Variants in ZFHX2 observed in about 807,000 individuals in gnomAD.
ZFHX2 encodes zinc finger homeobox 2.
In ZFHX2, 75 loss-of-function variants were observed where a neutral mutation model predicts 164.8. The observed-to-expected ratio is 0.46, with a 90% CI of 0.38 to 0.55. The LOEUF is 0.55. ZFHX2 is among the 20% of genes least tolerant of loss of function. The pLI, the probability that ZFHX2 is intolerant of heterozygous loss-of-function variation, is 0.00. For synonymous variants in ZFHX2, 1,217 were observed against 1,351.4 expected (o/e 0.90, Z 2.18); for missense variants, 2,933 against 3,308.0 (o/e 0.89, Z 2.78).
Position 23,532,857 on chromosome 14 carries a change from T to C in ZFHX2, c.2269A>G (p.Thr757Ala). ...TAGCAGCAAAGCTTGCAGCGGTGGGTGTCACCAGCCACCTCCTTCCATTCA... is the reference window on the plus strand; with the variant it reads ...TAGCAGCAAAGCTTGCAGCGGTGGGCGTCACCAGCCACCTCCTTCCATTCA... Reference protein sequence around the residue: ...EAEWKEVAGDTHRCKLCCYGT... With the variant: ...EAEWKEVAGDAHRCKLCCYGT... Residue 757 changes from threonine (T) to alanine (A), a missense_variant, in exon 3 of 10, where the codon ACC becomes GCC. Transcript: ENST00000419474. 2 of 1,536,198 alleles carry C rather than the reference T, an allele frequency of 1.3e-6. No individual in the cohort carries two copies. Among genetic ancestry groups the C allele is most frequent in the Non-Finnish European group, 1.7e-6 (2 of 1,146,924 alleles).
intron 1 of ZFHX2, chr14:23,543,088 C>T (rs1043276005): frequency 1.3e-5 from 2 of 152,200 alleles, no homozygotes. Flanking sequence ...ATTCTGTGAA[C>T]CTGTGTGATG....
chr14:23,535,130 C>T lies in ZFHX2; in HGVS notation c.196G>A (p.Gly66Ser). 1 of 1,536,132 alleles carries T rather than the reference C, an allele frequency of 6.5e-7. No homozygotes were observed. The highest frequency in any genetic ancestry group is 8.7e-7 in the Non-Finnish European group (1 of 1,146,862). The change falls in exon 2 of 10, where the codon GGC becomes AGC. Residue 66 changes from glycine to serine, a missense_variant. Coordinates refer to ENST00000419474, the MANE Select transcript of ZFHX2 (RefSeq NM_033400.3). This position sits in a 1 kb window ranked among gnomAD's most constrained non-coding sequence, Gnocchi z 4.5. ...PGGQLLESGC[G>S]LVPPKEIGEP... Reference sequence around the variant, plus strand: ...CCAATCTCCTTTGGTGGGACGAGGCCACAGCCCGACTCCAGGAGCTGTCCC... The same window carrying T: ...CCAATCTCCTTTGGTGGGACGAGGCTACAGCCCGACTCCAGGAGCTGTCCC...
At position 23,523,989 on chromosome 14, in the gene ZFHX2, T is replaced by C; in HGVS notation, c.5953A>G (p.Lys1985Glu). 6.6e-7 allele frequency: 1 copy of C among 1,524,928 alleles called. No individual in the cohort carries two copies. 94.5% of individuals were successfully genotyped at this position (1,524,928 alleles called of 1,614,324 possible). The change falls in exon 9 of 10, where the codon AAA (lysine) becomes GAA (glutamate). Residue 1985 changes from lysine to glutamate, a missense_variant. Lys to Glu is a moderately conservative substitution (Grantham distance 56). Coordinates refer to ENST00000419474, the MANE Select transcript of ZFHX2 (RefSeq NM_033400.3). The surrounding 1 kb of genome is among the most constrained non-coding windows in gnomAD (Gnocchi z 4.1). ...TCTGGTGTTGGGGTGGTGGCCTCTT[T>C]CCCAGGTGGTAGGAAAGGCTGGGGC... Reference protein sequence around the residue: ...SGPQPFLPPGKEATTPTPEPP... With the variant: ...SGPQPFLPPGEEATTPTPEPP...
At position 23,523,990 on chromosome 14, in the gene ZFHX2, C is replaced by T; in HGVS notation, c.5952G>A (p.Gly1984=). ...ASGPQPFLPP[G]KEATTPTPEP... ...CTGGTGTTGGGGTGGTGGCCTCTTT[C>T]CCAGGTGGTAGGAAAGGCTGGGGCC... Residue 1984 remains glycine, a synonymous_variant, in exon 9 of 10, where the codon GGG becomes GGA. Transcript: ENST00000419474. The surrounding 1 kb of genome is among the most constrained non-coding windows in gnomAD (Gnocchi z 4.1). 2.6e-6 allele frequency: 4 copies of T among 1,524,590 alleles called. No individual in the cohort carries two copies. The highest frequency in any genetic ancestry group is 2.6e-6 in the Non-Finnish European group (3 of 1,139,998). 94.4% of individuals were successfully genotyped at this position (1,524,590 alleles called of 1,614,324 possible).
chr14:23,554,227 G>C (rs1274716563), upstream of ZFHX2, among the ~76,000 whole-genome samples: 1 of 152,158 alleles, frequency 6.6e-6, no homozygotes, highest in East Asian at 1.9e-4. Context: ...GGAAAAATTA[G>C]GTCTTCATCC....
chr14:23,532,703 CCCA>C lies in ZFHX2; in HGVS notation c.2420_2422del (p.Leu807_Gly808delinsArg), dbSNP rs1566583784. 6.5e-7 allele frequency: 1 copy of C among 1,533,182 alleles called. No individual in the cohort carries two copies. Among genetic ancestry groups the C allele is most frequent in the Non-Finnish European group, 8.7e-7 (1 of 1,145,156 alleles). 95.0% of individuals were successfully genotyped at this position (1,533,182 alleles called of 1,614,324 possible). A position where few individuals can be genotyped will look rare whatever the true frequency, so the allele number is the denominator to read the frequency against. ...GACAGACCCATAAGGAGCCCCATCTCCCAGGGATGCTGGGGAAGGGGTGCCCAT... is the reference window on the plus strand; with the variant it reads ...GACAGACCCATAAGGAGCCCCATCTCGGGATGCTGGGGAAGGGGTGCCCAT... On this transcript the variant is annotated inframe_deletion, in exon 3 of 10. Transcript: ENST00000419474.
At chr14:23,555,480 C>T (rs1450535531), upstream of ZFHX2, among the ~76,000 whole-genome samples, 5 of 152,308 alleles carry the variant, frequency 3.3e-5, no homozygotes, top group South Asian at 1.0e-3. Context: ...TTTGCTTAGG[C>T]TATTCCTGTC....
In ZFHX2 at chr14:23,525,994, G is replaced by T; in HGVS notation, c.3948C>A (p.Phe1316Leu). ...GGGACAGGAAAGGCAATCCAGATAT[G>T]AAGCCACTGGTGTCAGGGCCCTTCT... is the stretch of plus-strand genomic sequence containing the variant. Reference protein sequence around the residue: ...TEKKGPDTSGFISGLPFLSPP... With the variant: ...TEKKGPDTSGLISGLPFLSPP... Residue 1316 changes from phenylalanine to leucine, a missense_variant, in exon 9 of 10, where the codon TTC becomes TTA. Physicochemically the swap from Phe to Leu is conservative, Grantham distance 22 (BLOSUM62 0). Coordinates refer to ENST00000419474, the MANE Select transcript of ZFHX2 (RefSeq NM_033400.3). This position sits in a 1 kb window ranked among gnomAD's most constrained non-coding sequence, Gnocchi z 5.9. The T allele has an allele frequency of 6.5e-7, 1 of 1,527,568 alleles. No homozygotes were observed. Among genetic ancestry groups the T allele is most frequent in the African/African-American group, 1.4e-5 (1 of 72,940 alleles). The allele number at this position is 1,527,568 out of a possible 1,614,324, so 94.6% of individuals were successfully genotyped here.
At chr14:23,527,573 G>C (rs1165642079) in intron 7 of ZFHX2, 31 bp downstream of exon 7, 1 of 1,535,876 alleles carries the variant, frequency 6.5e-7, no homozygotes, top group Non-Finnish European at 8.7e-7. Flanking sequence ...ATAAGGTCTT[G>C]TTGTACCGTC....
intron 1 of ZFHX2, among the ~76,000 whole-genome samples, chr14:23,539,506 C>G (rs1880558314): frequency 6.6e-6 from 1 of 152,056 alleles, no homozygotes; most frequent in Admixed American, 6.5e-5. Context: ...CAGGCCCTGA[C>G]CGAGCAAGAT....
At chr14:23,554,549 A>ATTT (rs35367737), upstream of ZFHX2, among the ~76,000 whole-genome samples, 9 of 135,652 alleles carry the variant, frequency 6.6e-5, no homozygotes, top group East Asian at 6.3e-4. Context: ...GCTAATTAAA[A>ATTT]TTTTTTTTTT....
intron 1 of ZFHX2, among the ~76,000 whole-genome samples, chr14:23,548,889 T>G (rs1489527346): frequency 6.6e-6 from 1 of 152,230 alleles, no homozygotes; most frequent in African/African-American, 2.4e-5. Context: ...TCAGTCACGC[T>G]GTGTCCTCCT....
At chr14:23,526,739 C>T (rs1302445942) in intron 8 of ZFHX2, 60 bp from the exon 9 acceptor site, 4 of 1,533,800 alleles carry the variant, frequency 2.6e-6, no homozygotes, top group Non-Finnish European at 3.5e-6. Flanking sequence ...AGACCCCACC[C>T]ACTCAATACC....
chr14:23,531,709 T>C lies in ZFHX2; in HGVS notation c.2572A>G (p.Met858Val), dbSNP rs554572674. The change falls in exon 4 of 10, where the codon ATG becomes GTG. Residue 858 changes from methionine (M) to valine (V), a missense_variant. Physicochemically the swap from Met to Val is conservative, Grantham distance 21. Transcript: ENST00000419474. The stretch of plus-strand genomic sequence containing the variant: ...TCTGCCCCTGCCTCCGCTCCCTCCA[T>C]GTCCAGCAGAAACTAGAACCATGGG... Reference protein sequence around the residue: ...NSQIYKFLLDMEGAEAGAELG... With the variant: ...NSQIYKFLLDVEGAEAGAELG... 101 of 1,360,152 alleles carry C rather than the reference T, an allele frequency of 7.4e-5. 1 individual carries two copies. In the African/African-American group the frequency reaches 1.3e-3, roughly 17 times the overall value. The allele number at this position is 1,360,152 out of a possible 1,614,324, so 84.3% of individuals were successfully genotyped here.
In ZFHX2 at chr14:23,524,755, T is replaced by C; in HGVS notation, c.5187A>G (p.Ala1729=). Residue 1729 remains alanine, a synonymous_variant, in exon 9 of 10, where the codon GCA becomes GCG. Coordinates refer to ENST00000419474, the MANE Select transcript of ZFHX2 (RefSeq NM_033400.3). This position sits in a 1 kb window ranked among gnomAD's most constrained non-coding sequence, Gnocchi z 5.6. ...GCTCTGGTAATGGGCCCTCAGGCCC[T>C]GCTGGAGGTTCAAGGCCCTGTTCCT... is the stretch of plus-strand genomic sequence containing the variant. ...VEEEQGLEPP[A]GPEGPLPEPP... is the part of the protein sequence containing the mutation. 6.5e-7 allele frequency: 1 copy of C among 1,536,456 alleles called. No homozygotes were observed. The highest frequency in any genetic ancestry group is 8.7e-7 in the Non-Finnish European group (1 of 1,146,954).
rs766020169 is a variant in ZFHX2 at position 23,521,545 on chromosome 14, A to G, written c.*417T>C. 1 of 162,290 alleles carries G rather than the reference A, an allele frequency of 6.2e-6. No individual in the cohort carries two copies. Among genetic ancestry groups the G allele is most frequent in the African/African-American group, 2.4e-5 (1 of 41,792 alleles). The allele number at this position is 162,290 out of a possible 1,614,324, so 10.1% of individuals were successfully genotyped here. A position where few individuals can be genotyped will look rare whatever the true frequency, so the allele number is the denominator to read the frequency against. On this transcript the variant is annotated 3_prime_UTR_variant, in exon 10 of 10. Coordinates refer to ENST00000419474, the MANE Select transcript of ZFHX2 (RefSeq NM_033400.3). ...TTTTTTGGTGTTTTCTCAGTGGAAC[A>G]TCATGGGATAACGTGTGTGTGTGCA...
In ZFHX2 at chr14:23,527,626, C is replaced by T; in HGVS notation, c.3113G>A (p.Cys1038Tyr). 2.6e-6 allele frequency: 4 copies of T among 1,536,620 alleles called. No homozygotes were observed. Among genetic ancestry groups the T allele is most frequent in the African/African-American group, 1.4e-5 (1 of 73,166 alleles). ...LSHLHNVVPE[C>Y]VEKLLLVATT... ...CACTACAAGCAGCAGCTTCTCAACG[C>T]ACTCGGGCACCACGTTGTGAAGGTG... The change falls in exon 7 of 10, where the codon TGC becomes TAC. Residue 1038 changes from cysteine (C) to tyrosine (Y), a missense_variant. Transcript: ENST00000419474.
In ZFHX2 at chr14:23,522,913, G is replaced by C; in HGVS notation, c.6768C>G (p.Gly2256=). 2 of 1,461,658 alleles carry C rather than the reference G, an allele frequency of 1.4e-6. No individual in the cohort carries two copies. The highest frequency in any genetic ancestry group is 5.0e-5 in the Admixed American group (2 of 40,188). 90.5% of individuals were successfully genotyped at this position (1,461,658 alleles called of 1,614,324 possible). The part of the protein sequence containing the change: ...SGPAASSGLL[G]LATSVLPTTT... ...TGGTAGGCAGGACCGAAGTGGCGAG[G>C]CCGAGGAGGCCTGAGGAGGCTGCCG... is the stretch of plus-strand genomic sequence containing the variant. Residue 2256 remains glycine (G), a synonymous_variant, in exon 10 of 10, where the codon GGC becomes GGG. Coordinates refer to ENST00000419474, the MANE Select transcript of ZFHX2 (RefSeq NM_033400.3).
Position 23,524,126 on chromosome 14 carries a change from G to A in ZFHX2, c.5816C>T (p.Ser1939Phe), listed in dbSNP as rs1307544563. 1 of 1,535,646 alleles carries A rather than the reference G, an allele frequency of 6.5e-7. No individual in the cohort carries two copies. Among genetic ancestry groups the A allele is most frequent in the Non-Finnish European group, 8.7e-7 (1 of 1,146,698 alleles). Residue 1939 changes from serine (S) to phenylalanine (F), a missense_variant, in exon 9 of 10, where the codon TCC (serine) becomes TTC (phenylalanine). Physicochemically the swap from Ser to Phe is radical, Grantham distance 155 (BLOSUM62 -2). Coordinates refer to ENST00000419474, the MANE Select transcript of ZFHX2 (RefSeq NM_033400.3). This position sits in a 1 kb window ranked among gnomAD's most constrained non-coding sequence, Gnocchi z 5.6. ...TAATAAGAGGTTGAACTTGGGCAAGGATGCAGGGGTGGCTGTGGCAGGCGG... is the reference window on the plus strand; with the variant it reads ...TAATAAGAGGTTGAACTTGGGCAAGAATGCAGGGGTGGCTGTGGCAGGCGG... ...VKPPATATPASLPKFNLLLGK... is the reference protein window; with the variant it reads ...VKPPATATPAFLPKFNLLLGK...
Sources: gnomAD v4.1 joint callset for allele counts (sites outside exome capture counted in the v4.1 genomes callset) on GRCh38, gnomAD v4.1.1 for gene constraint, Gnocchi (gnomAD v3.1) non-coding constraint, MANE v1.5 for transcripts, NCBI Gene and HGNC (gene_info 2026-07-23, HGNC 2026-07-21) for gene names.